The following ZNF565 variants were observed in gnomAD, a reference collection of about 807,000 sequenced individuals.
The protein encoded by ZNF565 is zinc finger protein 565.
Under a neutral mutation model 39.4 loss-of-function variants are expected in ZNF565, and 27 were observed. That is an observed-to-expected ratio of 0.69 (90% CI 0.51 to 0.95). ZNF565 has a LOEUF of 0.95. ZNF565 is among the 40% of genes least tolerant of loss of function. The pLI is 0.00. For synonymous variants in ZNF565, 185 were observed against 216.6 expected (o/e 0.85, Z 1.28); for missense variants, 524 against 621.1 (o/e 0.84, Z 1.66).
chr19:36,192,102 T>C (rs1024147089), intron 4 of ZNF565, among the ~76,000 whole-genome samples: 6 of 151,414 alleles, frequency 4.0e-5, no homozygotes, highest in South Asian at 2.1e-4. Context: ...GATTCTCCTG[T>C]CTCAGCCTCC....
At chr19:36,203,705 A>G (rs1976050014) in intron 1 of ZNF565, among the ~76,000 whole-genome samples, 1 of 152,074 alleles carries the variant, frequency 6.6e-6, no homozygotes, top group Non-Finnish European at 1.5e-5. Context: ...CCTCACAAGT[A>G]GCTAGGAGTA....
intron 2 of ZNF565, among the ~76,000 whole-genome samples, 197 bp downstream of exon 2, chr19:36,201,780 T>C (rs1407467483): frequency 6.6e-6 from 1 of 152,048 alleles, no homozygotes; most frequent in Non-Finnish European, 1.5e-5. Context: ...TAGCCTATGC[T>C]CTGCTAAGAG....
At chr19:36,235,073 G>C (rs1213271323) in intron 1 of ZNF565, among the ~76,000 whole-genome samples, 2 of 151,856 alleles carry the variant, frequency 1.3e-5, no homozygotes, top group African/African-American at 2.4e-5. Context: ...GCCAGGTATG[G>C]TGGTGCACAC....
Position 36,182,769 on chromosome 19 carries a change from T to G in ZNF565, c.1197A>C (p.Ala399=), listed in dbSNP as rs140355188. The change falls in exon 5 of 5, where the codon GCA becomes GCC. Residue 399 remains alanine, a synonymous_variant. Transcript: ENST00000304116. ...GAATGAGGTATGAGCTACGACTAAA[T>G]GCCTTCCCGCAGTCCTTACATTCAT... The part of the protein sequence containing the change: ...RPYECKDCGK[A]FSRSSYLIQH... 2.9e-5 allele frequency: 47 copies of G among 1,613,884 alleles called. No homozygotes were observed. The highest frequency in any genetic ancestry group is 1.6e-4 in the Middle Eastern group (1 of 6,084).
Position 36,245,486 on chromosome 19 carries a change from G to T in ZNF565, c.45C>A (p.Arg15=), listed in dbSNP as rs748896772. 1.4e-6 allele frequency: 1 copy of T among 702,344 alleles called. No homozygotes were observed. The highest frequency in any genetic ancestry group is 1.5e-5 in the South Asian group (1 of 67,594). The allele number at this position is 702,344 out of a possible 1,614,324, so 43.5% of individuals were successfully genotyped here. The change falls in exon 1 of 5, where the codon CGC becomes CGA. Residue 15 remains arginine (R), a synonymous_variant. Coordinates refer to the ZNF565 transcript ENST00000355114. The surrounding 1 kb of genome is among the most constrained non-coding windows in gnomAD (Gnocchi z 4.4). Reference sequence around the variant, plus strand: ...CATCTAGGAGGTTACCTGCGTCCAGGCGGTGACTTGCGAGGGACCACCTTT... The same window carrying T: ...CATCTAGGAGGTTACCTGCGTCCAGTCGGTGACTTGCGAGGGACCACCTTT...
At chr19:36,215,760 C>G (rs1976576239), upstream of ZNF565, among the ~76,000 whole-genome samples, 1 of 151,952 alleles carries the variant, frequency 6.6e-6, no homozygotes, top group Non-Finnish European at 1.5e-5. Context: ...TTAAATAGGG[C>G]TGTTAAGCAA....
intron 1 of ZNF565, chr19:36,237,370 C>T (rs1426928784): frequency 2.0e-6 from 3 of 1,534,014 alleles, no homozygotes; most frequent in Admixed American, 2.1e-5. Flanking sequence ...GAAATTTGCA[C>T]CTCATCATGC....
intron 4 of ZNF565, among the ~76,000 whole-genome samples, chr19:36,187,016 C>G (rs183650136): frequency 2.6e-5 from 4 of 151,908 alleles, no homozygotes; most frequent in Non-Finnish European, 5.9e-5. Context: ...CATGGAGAAA[C>G]CCTGTCTCTA....
chr19:36,195,001 G>GT, intron 3 of ZNF565, 29 bp downstream of exon 3: 1 of 1,613,962 alleles, frequency 6.2e-7, no homozygotes, highest in Non-Finnish European at 8.5e-7. Context: ...CTTGCTTTCC[G>GT]TCTGGCCCGT....
rs767716320 is a variant in ZNF565 at position 36,183,702 on chromosome 19, T to C, written c.264A>G (p.Gln88=). 9 of 1,612,194 alleles carry C rather than the reference T, an allele frequency of 5.6e-6. No individual in the cohort carries two copies. The highest frequency in any genetic ancestry group is 7.6e-6 in the Non-Finnish European group (9 of 1,178,886). ...ATGCCCCGATTTCAAAAATGTCTTT[T>C]TGTAGAAATTTCTCACACCTGGACT... is the stretch of plus-strand genomic sequence containing the variant. ...DLESRCEKFL[Q]KDIFEIGAFN... Residue 88 remains glutamine, a synonymous_variant, in exon 5 of 5, where the codon CAA becomes CAG. Transcript: ENST00000304116.
In ZNF565 at chr19:36,236,024, G is replaced by A. The variant is rs149444241; in HGVS notation, c.55+9452C>T. The A allele has an allele frequency of 3.0e-3, 535 of 175,582 alleles. 2 individuals are homozygous for A. Among genetic ancestry groups the A allele is most frequent in the Middle Eastern group, 8.3e-3 (3 of 362 alleles). 10.9% of individuals were successfully genotyped at this position (175,582 alleles called of 1,614,324 possible). ...CTGTTACCAGAGTGTTCATACTGGA[G>A]AGAAACCCTATGAATTTACTGAATG... On this transcript the variant is annotated intron_variant, in intron 1 of 4. Coordinates refer to the ZNF565 transcript ENST00000355114.
At chr19:36,244,409 G>A (rs1220982512) in intron 1 of ZNF565, among the ~76,000 whole-genome samples, 1 of 152,084 alleles carries the variant, frequency 6.6e-6, no homozygotes, top group African/African-American at 2.4e-5. Flanking sequence ...TTATCTGGGC[G>A]TGGTGGTGGG....
chr19:36,242,216 AT>A (rs957521774), intron 1 of ZNF565, among the ~76,000 whole-genome samples: 3 of 151,886 alleles, frequency 2.0e-5, no homozygotes, highest in Non-Finnish European at 4.4e-5. Flanking sequence ...GTTCAAGACC[AT>A]CCTGGCCAAC....
intron 1 of ZNF565, among the ~76,000 whole-genome samples, chr19:36,228,295 T>C (rs73931517): frequency 0.024 from 3,602 of 152,326 alleles, 166 homozygotes; most frequent in African/African-American, 0.083. Flanking sequence ...CCATGTGCTT[T>C]AGTTCTGATG....
At chr19:36,205,464 G>A (rs927293026) in intron 1 of ZNF565, among the ~76,000 whole-genome samples, 18 of 152,084 alleles carry the variant, frequency 1.2e-4, no homozygotes, top group Non-Finnish European at 1.0e-4. Context: ...GGAGGCAGAG[G>A]TTGCGGTGAG....
chr19:36,239,128 C>T (rs1977752348), intron 1 of ZNF565, among the ~76,000 whole-genome samples: 2 of 152,126 alleles, frequency 1.3e-5, no homozygotes, highest in Admixed American at 1.3e-4. Flanking sequence ...GGGACCGCTG[C>T]ACTATATGAT....
At chr19:36,187,240 G>T (rs1367659661) in intron 4 of ZNF565, among the ~76,000 whole-genome samples, 1 of 151,910 alleles carries the variant, frequency 6.6e-6, no homozygotes, top group African/African-American at 2.4e-5. Context: ...TTTGGGTTAA[G>T]CAGGGTAGCT....
chr19:36,193,226 G>A (rs563579634), intron 4 of ZNF565, among the ~76,000 whole-genome samples: 5 of 151,100 alleles, frequency 3.3e-5, no homozygotes, highest in South Asian at 4.2e-4. Flanking sequence ...CTCGTGATCC[G>A]CCCGCCTCAG....
chr19:36,211,136 CTAACAG>C (rs1976339336), intron 1 of ZNF565, among the ~76,000 whole-genome samples: 1 of 151,996 alleles, frequency 6.6e-6, no homozygotes, highest in Non-Finnish European at 1.5e-5. Context: ...AAATATCTTT[CTAACAG>C]TAAGATTCTA....
Sources: gnomAD v4.1 joint callset for allele counts (sites outside exome capture counted in the v4.1 genomes callset) on GRCh38, gnomAD v4.1.1 for gene constraint, Gnocchi (gnomAD v3.1) non-coding constraint, MANE v1.5 for transcripts, NCBI Gene and HGNC (gene_info 2026-07-23, HGNC 2026-07-21) for gene names.